LARGE1: variants seen among roughly 807,000 people sequenced by gnomAD.
LARGE1 encodes the protein xylosyl- and glucuronyltransferase LARGE1.
A neutral mutation model predicts 87.6 loss-of-function variants in LARGE1; 43 were observed. The observed-to-expected ratio is 0.49, with a 90% CI of 0.38 to 0.63. The LOEUF is 0.63. Ranked by LOEUF, LARGE1 falls within the 30% of genes least tolerant of loss-of-function variation. The probability of loss-of-function intolerance (pLI) is 0.00; values close to 1 mark genes in which losing one functional copy is unlikely to be tolerated. For missense variants in LARGE1, 802 were observed against 1,000.2 expected (o/e 0.80, Z 2.67); for synonymous variants, 434 against 394.6 (o/e 1.10, Z -1.18).
intron 1 of LARGE1, among the ~76,000 whole-genome samples, chr22:33,787,584 T>C (rs956679522): frequency 1.3e-5 from 2 of 152,204 alleles, no homozygotes; most frequent in African/African-American, 4.8e-5. Flanking sequence ...GCTTTCTGCA[T>C]GAAGCCGTTC....
chr22:33,641,801 A>G (rs1165779813), intron 3 of LARGE1, among the ~76,000 whole-genome samples: 1 of 152,230 alleles, frequency 6.6e-6, no homozygotes, highest in Non-Finnish European at 1.5e-5. Context: ...GATCAACTTA[A>G]TGAAATAAAG....
At chr22:33,222,910 G>A (rs899403615) in intron 11 of LARGE1, among the ~76,000 whole-genome samples, 4 of 152,128 alleles carry the variant, frequency 2.6e-5, no homozygotes, top group Non-Finnish European at 5.9e-5. Context: ...GGAGCAACAT[G>A]ACTTAAACTA....
intron 5 of LARGE1, among the ~76,000 whole-genome samples, chr22:33,568,920 T>C (rs2078112930): frequency 6.6e-6 from 1 of 152,056 alleles, no homozygotes; most frequent in African/African-American, 2.4e-5. Flanking sequence ...AGGCGGGCGA[T>C]TTGTCTACAA....
chr22:33,183,619 C>CACACACAT (rs1491260821), intron 11 of LARGE1, among the ~76,000 whole-genome samples: 1 of 92,892 alleles, frequency 1.1e-5, no homozygotes, highest in Non-Finnish European at 2.4e-5. Flanking sequence ...CACACACACA[C>CACACACAT]GCACACACAC....
At chr22:33,519,740 AAAAAG>A (rs1316396830) in intron 6 of LARGE1, among the ~76,000 whole-genome samples, 2 of 152,194 alleles carry the variant, frequency 1.3e-5, no homozygotes, top group African/African-American at 4.8e-5. Context: ...AACAAGGAAA[AAAAAG>A]AGAAAGAAAA....
intron 5 of LARGE1, among the ~76,000 whole-genome samples, chr22:33,597,508 A>AAT (rs1360232148): frequency 6.6e-6 from 1 of 152,136 alleles, no homozygotes; most frequent in East Asian, 1.9e-4. Context: ...CAGTTCTCTA[A>AAT]AGACAACCTC....
intron 5 of LARGE1, among the ~76,000 whole-genome samples, chr22:33,568,499 G>GCTCAC (rs1445091777): frequency 2.0e-5 from 3 of 152,160 alleles, no homozygotes; most frequent in Non-Finnish European, 4.4e-5. Context: ...GGGCGCAGTG[G>GCTCAC]CTCACGCCTG....
intron 1 of LARGE1, among the ~76,000 whole-genome samples, chr22:33,870,287 T>G (rs2064236042): frequency 6.6e-6 from 1 of 152,180 alleles, no homozygotes; most frequent in African/African-American, 2.4e-5. Context: ...AACACAAAAC[T>G]GGTCTCTGGA....
At chr22:33,626,417 T>A in intron 3 of LARGE1, 91 bp from the exon 4 acceptor site, 1 of 963,648 alleles carries the variant, frequency 1.0e-6, no homozygotes, top group South Asian at 1.3e-5. Context: ...AAAATTGCCC[T>A]GATTTCTTGT....
chr22:33,495,857 C>G (rs951622261), intron 6 of LARGE1, among the ~76,000 whole-genome samples: 1 of 152,134 alleles, frequency 6.6e-6, no homozygotes, highest in African/African-American at 2.4e-5. Flanking sequence ...GGTCTGTGTT[C>G]CTCCAAACTC....
At chr22:33,088,153 T>A in the LARGE1 span, among the ~76,000 whole-genome samples, 1 of 152,078 alleles carries the variant, frequency 6.6e-6, no homozygotes, top group Non-Finnish European at 1.5e-5. Flanking sequence ...AGTTGCATCG[T>A]ACTCAACCAT....
At chr22:33,336,936 C>T (rs889298338) in intron 10 of LARGE1, among the ~76,000 whole-genome samples, 1 of 151,910 alleles carries the variant, frequency 6.6e-6, no homozygotes, top group Non-Finnish European at 1.5e-5. Flanking sequence ...TGGTGCATGC[C>T]TGTAATCCCA....
chr22:33,542,926 C>T (rs1333639736), intron 6 of LARGE1, among the ~76,000 whole-genome samples: 1 of 152,110 alleles, frequency 6.6e-6, no homozygotes, highest in Non-Finnish European at 1.5e-5. Flanking sequence ...TTGCATCATC[C>T]AAGTCAAAGA....
In LARGE1 at chr22:33,551,518, T is replaced by A. The variant is rs116976984; in HGVS notation, c.787+13330A>T. 6.4e-3 allele frequency among the ~76,000 whole-genome samples: 975 copies of A among 152,312 alleles called. 7 individuals carry two copies. The highest frequency in any genetic ancestry group is 9.7e-3 in the Non-Finnish European group (657 of 68,016). On this transcript the variant is annotated intron_variant, in intron 6 of 14. Coordinates refer to ENST00000397394, the MANE Select transcript of LARGE1 (RefSeq NM_133642.5). ...AGAGTAGGAGTAACCCTGACTTTCA[T>A]GTGGGATTCCCAGACAAGATACATC... is the stretch of plus-strand genomic sequence containing the variant.
Position 33,633,328 on chromosome 22 carries a change from G to A in LARGE1, c.409-7002C>T, listed in dbSNP as rs949013130. Among the ~76,000 whole-genome samples the A allele has an allele frequency of 3.9e-5, 6 of 152,210 alleles. No individual in the cohort carries two copies. In the South Asian group the frequency reaches 6.2e-4, roughly 16 times the overall value. ...CAGGGAGAGCATCTTGGAGGAGAAG[G>A]CATTTCAGTGACCACACAAGAGCAA... On this transcript the variant is annotated intron_variant, in intron 3 of 14. Transcript: ENST00000397394.
chr22:33,496,844 A>G (rs1342963649), intron 6 of LARGE1, among the ~76,000 whole-genome samples: 1 of 152,208 alleles, frequency 6.6e-6, no homozygotes, highest in Non-Finnish European at 1.5e-5. Context: ...AAATTTTTAC[A>G]TGGGCATCTG....
At chr22:33,515,484 C>G (rs1051152264) in intron 6 of LARGE1, among the ~76,000 whole-genome samples, 1 of 152,136 alleles carries the variant, frequency 6.6e-6, no homozygotes, top group African/African-American at 2.4e-5. Context: ...ATGATTGGCA[C>G]TTGGTATGTG....
intron 2 of LARGE1, among the ~76,000 whole-genome samples, chr22:33,689,145 G>GTCTCTC (rs3072287): frequency 0.52 from 76,422 of 147,374 alleles, 19,604 homozygotes; most frequent in Middle Eastern, 0.66. Flanking sequence ...CAAATTTACT[G>GTCTCTC]TCTCTCTCTC....
rs11914199 is a variant in LARGE1 at position 33,836,628 on chromosome 22, G to A, written c.-82-75070C>T. 7.2e-3 allele frequency among the ~76,000 whole-genome samples: 1,098 copies of A among 152,150 alleles called. 12 individuals are homozygous for A. Among genetic ancestry groups the A allele is most frequent in the African/African-American group, 0.025 (1,037 of 41,496 alleles). On this transcript the variant is annotated intron_variant, in intron 1 of 14. Coordinates refer to ENST00000397394, the MANE Select transcript of LARGE1 (RefSeq NM_133642.5). ...CATCTCAGCTGCATTCCATGGCTTC[G>A]AGTGGCAGCCCAAGGTAGAAAAAGA...
Sources: gnomAD v4.1 joint callset for allele counts (sites outside exome capture counted in the v4.1 genomes callset) on GRCh38, gnomAD v4.1.1 for gene constraint, MANE v1.5 for transcripts, NCBI Gene and HGNC (gene_info 2026-07-23, HGNC 2026-07-21) for gene names.